The following PPP2R2B variants were observed in gnomAD, a reference collection of about 807,000 sequenced individuals.
PPP2R2B encodes the protein protein phosphatase 2 regulatory subunit Bbeta, also known as serine/threonine-protein phosphatase 2A 55 kDa regulatory subunit B beta isoform.
A neutral mutation model predicts 46.0 loss-of-function variants in PPP2R2B; 5 were observed. That is an observed-to-expected ratio of 0.11 (90% CI 0.06 to 0.23). The LOEUF (loss-of-function observed/expected upper bound fraction) is 0.23. PPP2R2B is among the 10% of genes least tolerant of loss of function. The pLI is 1.00. For synonymous variants in PPP2R2B, 215 were observed against 206.7 expected, an observed-to-expected ratio of 1.04 and a Z score of -0.34; for missense variants, 367 against 575.0, an observed-to-expected ratio of 0.64 and a Z score of 3.70.
upstream of PPP2R2B, among the ~76,000 whole-genome samples, chr5:146,881,846 C>G (rs1762177575): frequency 6.6e-6 from 1 of 152,218 alleles, no homozygotes; most frequent in African/African-American, 2.4e-5. Context: ...TACCTCCCCC[C>G]TTCTTAAAAT....
intron 8 of PPP2R2B, among the ~76,000 whole-genome samples, chr5:146,596,736 G>A (rs1166954039): frequency 6.6e-6 from 1 of 152,200 alleles, no homozygotes; most frequent in Non-Finnish European, 1.5e-5. Flanking sequence ...TTGGGGGCAA[G>A]TGATGTGGAG....
chr5:146,691,207 C>T lies in PPP2R2B; in HGVS notation c.368G>A (p.Arg123His), dbSNP rs374783257. The T allele has an allele frequency of 6.2e-6, 10 of 1,613,994 alleles. No homozygotes were observed. Among genetic ancestry groups the T allele is most frequent in the African/African-American group, 2.7e-5 (2 of 74,914 alleles). ...ATTGTAGCCTTCTGGCCTCTTATCA[C>T]GCTCGCTGACTTTCCACAGCTTCAC... Reference protein sequence around the residue: ...KTVKLWKVSERDKRPEGYNLK... With the variant: ...KTVKLWKVSEHDKRPEGYNLK... The change falls in exon 5 of 10, where the codon CGT (arginine) becomes CAT (histidine). Residue 123 changes from arginine to histidine, a missense_variant. This residue lies in a region of PPP2R2B where 361 missense variants were observed against 545.5 expected (regional missense o/e 0.66). Coordinates refer to ENST00000394411, the MANE Select transcript of PPP2R2B (RefSeq NM_181675.4).
intron 1 of PPP2R2B, among the ~76,000 whole-genome samples, chr5:147,002,260 G>C (rs1222373341): frequency 6.6e-6 from 1 of 152,066 alleles, no homozygotes; most frequent in Non-Finnish European, 1.5e-5. Flanking sequence ...TTGTAGAGGG[G>C]ATTATCTGGA....
At chr5:146,712,032 T>G (rs1780239981) in intron 2 of PPP2R2B, among the ~76,000 whole-genome samples, 2 of 152,220 alleles carry the variant, frequency 1.3e-5, no homozygotes, top group Non-Finnish European at 2.9e-5. Context: ...TAGGTGGGCC[T>G]AAAGAAATGA....
chr5:147,077,354 A>C (rs1030849589), intron 2 of PPP2R2B, among the ~76,000 whole-genome samples: 1 of 151,062 alleles, frequency 6.6e-6, no homozygotes, highest in Non-Finnish European at 1.5e-5. Context: ...ATGGGTAACT[A>C]TACGATTATC....
chr5:146,838,401 G>A (rs1759423286), intron 2 of PPP2R2B, among the ~76,000 whole-genome samples: 6 of 151,786 alleles, frequency 4.0e-5, no homozygotes, highest in African/African-American at 1.2e-4. Flanking sequence ...GTGGATCCCT[G>A]TCTCTACTAA....
intron 1 of PPP2R2B, among the ~76,000 whole-genome samples, chr5:146,953,818 C>T (rs1292148478): frequency 6.6e-6 from 1 of 152,078 alleles, no homozygotes; most frequent in East Asian, 1.9e-4. Flanking sequence ...GTATCCAATG[C>T]CAAACTCCTA....
At chr5:146,826,656 G>A (rs145371750) in intron 2 of PPP2R2B, among the ~76,000 whole-genome samples, 49 of 152,206 alleles carry the variant, frequency 3.2e-4, no homozygotes, top group African/African-American at 9.1e-4. Flanking sequence ...TTCTGGTGGC[G>A]TTTTCAAAAC....
intron 2 of PPP2R2B, among the ~76,000 whole-genome samples, chr5:146,735,309 G>T (rs1752470725): frequency 6.6e-6 from 1 of 151,998 alleles, no homozygotes; most frequent in Admixed American, 6.6e-5. Flanking sequence ...TTAGCAAACA[G>T]TCCCCTCCCA....
At chr5:146,814,633 T>G (rs1207531841) in intron 2 of PPP2R2B, among the ~76,000 whole-genome samples, 1 of 152,168 alleles carries the variant, frequency 6.6e-6, no homozygotes, top group East Asian at 1.9e-4. Context: ...ATTACCTCCC[T>G]CTGGAACACT....
chr5:146,898,950 G>A (rs1251477232), intron 1 of PPP2R2B, among the ~76,000 whole-genome samples: 3 of 141,304 alleles, frequency 2.1e-5, no homozygotes, highest in Non-Finnish European at 4.5e-5. Flanking sequence ...AGTTAGAATG[G>A]CAATCTTTAA....
Position 146,589,742 on chromosome 5 carries a change from C to T in PPP2R2B, c.*205G>A. The T allele has an allele frequency of 1.8e-6, 1 of 566,590 alleles. No individual in the cohort carries two copies. The highest frequency in any genetic ancestry group is 3.1e-6 in the Non-Finnish European group (1 of 323,574). The allele number at this position is 566,590 out of a possible 1,614,324, so 35.1% of individuals were successfully genotyped here. A position where few individuals can be genotyped will look rare whatever the true frequency, so the allele number is the denominator to read the frequency against. On this transcript the variant is annotated 3_prime_UTR_variant, in exon 10 of 10. Transcript: ENST00000394411. ...TTAGCTGGCAGCTTTCAATTCTAAA[C>T]AGAAGTGTCCCAAACCTATTGGGTT...
At chr5:146,674,872 C>T (rs754876260) in intron 5 of PPP2R2B, among the ~76,000 whole-genome samples, 1 of 152,196 alleles carries the variant, frequency 6.6e-6, no homozygotes, top group Non-Finnish European at 1.5e-5. Context: ...CTTTGCTGTA[C>T]AAGTTAGTAG....
intron 7 of PPP2R2B, among the ~76,000 whole-genome samples, chr5:146,623,457 T>G (rs1223617406): frequency 6.6e-6 from 1 of 152,266 alleles, no homozygotes; most frequent in African/African-American, 2.4e-5. Context: ...AGTCTGTCTA[T>G]CCATTGTGCT....
chr5:146,926,582 T>G (rs1763790177), intron 1 of PPP2R2B, among the ~76,000 whole-genome samples: 1 of 152,094 alleles, frequency 6.6e-6, no homozygotes, highest in African/African-American at 2.4e-5. Context: ...TGCTCCTGTG[T>G]CTGTATAGCC....
chr5:146,878,510 G>A lies in PPP2R2B; in HGVS notation c.-125+81C>T, dbSNP rs191988580. ...AAAAAGATCCCTCCTCCCCCTGGGA[G>A]AGCGGGCAGCCGCGACAAAATGGTG... On this transcript the variant is annotated intron_variant, in intron 1 of 9. Transcript: ENST00000394411. This position sits in a 1 kb window ranked among gnomAD's most constrained non-coding sequence, Gnocchi z 4.5. 570 of 1,302,082 alleles carry A rather than the reference G, an allele frequency of 4.4e-4. 3 individuals carry two copies. The African/African-American group carries it at 5.5e-3, about 13-fold the overall frequency. The allele number at this position is 1,302,082 out of a possible 1,614,324, so 80.7% of individuals were successfully genotyped here. A position where few individuals can be genotyped will look rare whatever the true frequency, so the allele number is the denominator to read the frequency against.
Position 146,620,487 on chromosome 5 carries a change from G to C in PPP2R2B, c.790+17764C>G, listed in dbSNP as rs374891539. On this transcript the variant is annotated intron_variant, in intron 7 of 9. Coordinates refer to ENST00000394411, the MANE Select transcript of PPP2R2B (RefSeq NM_181675.4). ...ATGATGAGTTGGCAGTGAGCATCTC[G>C]ACAGGAGCCTAATGAAGAAATCTGG... 7.2e-5 allele frequency among the ~76,000 whole-genome samples: 11 copies of C among 152,288 alleles called. No homozygotes were observed. In the South Asian group the frequency reaches 2.3e-3, roughly 32 times the overall value.
At chr5:146,897,285 G>T (rs1475011946) in intron 1 of PPP2R2B, among the ~76,000 whole-genome samples, 2 of 152,166 alleles carry the variant, frequency 1.3e-5, no homozygotes, top group African/African-American at 4.8e-5. Context: ...AATGGAGCGG[G>T]TGTGAAAAGG....
intron 2 of PPP2R2B, among the ~76,000 whole-genome samples, chr5:146,749,665 A>C (rs1167917720): frequency 7.5e-6 from 1 of 133,344 alleles, no homozygotes; most frequent in Non-Finnish European, 1.5e-5. Flanking sequence ...GCTGGAGTGC[A>C]GTGGCTTACT....
Sources: gnomAD v4.1 joint callset for allele counts (sites outside exome capture counted in the v4.1 genomes callset) on GRCh38, gnomAD v4.1.1 for gene constraint, gnomAD v4.1.1 regional missense constraint, Gnocchi (gnomAD v3.1) non-coding constraint, MANE v1.5 for transcripts, NCBI Gene and HGNC (gene_info 2026-07-23, HGNC 2026-07-21) for gene names.